FBXW7: variants seen among roughly 807,000 people sequenced by gnomAD.
FBXW7 encodes the protein F-box and WD repeat domain containing 7.
A neutral mutation model predicts 86.3 loss-of-function variants in FBXW7; 11 were observed. That is an observed-to-expected ratio of 0.13 (90% CI 0.08 to 0.21). FBXW7 has a LOEUF of 0.21. Ranked by LOEUF, FBXW7 falls within the 10% of genes least tolerant of loss-of-function variation. FBXW7 has a pLI of 1.00. For synonymous variants in FBXW7, 313 were observed against 297.9 expected, an observed-to-expected ratio of 1.05 and a Z score of -0.52; for missense variants, 488 against 847.4, an observed-to-expected ratio of 0.58 and a Z score of 5.27.
intron 2 of FBXW7, among the ~76,000 whole-genome samples, chr4:152,431,595 G>A (rs1026592202): frequency 2.6e-5 from 4 of 152,114 alleles, no homozygotes; most frequent in African/African-American, 9.7e-5. Context: ...GTCCACTGGG[G>A]CCTAGGGCAG....
intron 2 of FBXW7, among the ~76,000 whole-genome samples, chr4:152,465,061 T>TC (rs1743277177): frequency 6.6e-6 from 1 of 152,112 alleles, no homozygotes; most frequent in Non-Finnish European, 1.5e-5. Flanking sequence ...AACCAGTATC[T>TC]CCAAGGTGTA....
chr4:152,415,462 CAAG>C (rs1257252231), intron 2 of FBXW7, among the ~76,000 whole-genome samples: 7 of 152,106 alleles, frequency 4.6e-5, no homozygotes, highest in African/African-American at 1.4e-4. Context: ...TCACTTTCTG[CAAG>C]AAGTTTAGGA....
At chr4:152,406,037 C>T (rs766369505) in intron 4 of FBXW7, among the ~76,000 whole-genome samples, 1 of 152,312 alleles carries the variant, frequency 6.6e-6, no homozygotes, top group East Asian at 1.9e-4. Flanking sequence ...TCATCATGAT[C>T]TATTCCTATG....
At chr4:152,431,071 CTA>C (rs1465671556) in intron 2 of FBXW7, among the ~76,000 whole-genome samples, 1 of 152,180 alleles carries the variant, frequency 6.6e-6, no homozygotes, top group Non-Finnish European at 1.5e-5. Flanking sequence ...TTCTGAGAGT[CTA>C]TCTGTCAATA....
chr4:152,394,945 T>A (rs906352280), intron 4 of FBXW7, among the ~76,000 whole-genome samples: 3 of 152,104 alleles, frequency 2.0e-5, no homozygotes, highest in Non-Finnish European at 4.4e-5. Flanking sequence ...ATTAATGCAT[T>A]TGTTATAGCT....
At chr4:152,464,724 T>TA (rs1359736547) in intron 2 of FBXW7, among the ~76,000 whole-genome samples, 1 of 152,188 alleles carries the variant, frequency 6.6e-6, no homozygotes, top group African/African-American at 2.4e-5. Context: ...TGAAGACAGT[T>TA]AAAGAGATTT....
chr4:152,330,404 T>C (rs1036964512), intron 9 of FBXW7, among the ~76,000 whole-genome samples: 5 of 151,900 alleles, frequency 3.3e-5, no homozygotes, highest in Admixed American at 1.3e-4. Flanking sequence ...AAATCATGTT[T>C]GGAGTATGTG....
intron 2 of FBXW7, among the ~76,000 whole-genome samples, chr4:152,454,643 C>A (rs149525553): frequency 5.3e-5 from 8 of 152,040 alleles, no homozygotes; most frequent in Admixed American, 2.0e-4. Flanking sequence ...CACTAAATAG[C>A]CCTTTTTAAA....
rs189106137 is a variant in FBXW7 at position 152,432,429 on chromosome 4, T to C, written c.-119-19900A>G. Among the ~76,000 whole-genome samples, 84 of 152,322 alleles carry C rather than the reference T, an allele frequency of 5.5e-4. 3 individuals are homozygous for C. In the East Asian group the frequency reaches 0.011, roughly 20 times the overall value. Reference sequence around the variant, plus strand: ...TGCCTTCAATTAATATGTAATTTAATTGAGGTACTTTTTATATAAAGTAGA... The same window carrying C: ...TGCCTTCAATTAATATGTAATTTAACTGAGGTACTTTTTATATAAAGTAGA... On this transcript the variant is annotated intron_variant, in intron 2 of 13. Coordinates refer to ENST00000281708, the MANE Select transcript of FBXW7 (RefSeq NM_001349798.2).
intron 2 of FBXW7, among the ~76,000 whole-genome samples, chr4:152,527,245 A>T (rs904663329): frequency 6.6e-6 from 1 of 152,258 alleles, no homozygotes; most frequent in Non-Finnish European, 1.5e-5. Context: ...AAATTATTGA[A>T]TTATGAATTA....
rs1005634971 is a variant in FBXW7 at position 152,382,989 on chromosome 4, T to G, written c.501+28314A>C. ...TTCCCTTTTCCATACACACCATTCT[T>G]TATCTCATACTCACTAGACATTAAA... On this transcript the variant is annotated intron_variant, in intron 4 of 13. Coordinates refer to ENST00000281708, the MANE Select transcript of FBXW7 (RefSeq NM_001349798.2). Among the ~76,000 whole-genome samples the G allele has an allele frequency of 2.6e-5, 4 of 152,130 alleles. No homozygotes were observed. The East Asian group carries it at 7.7e-4, about 29-fold the overall frequency.
chr4:152,385,986 A>G (rs796310338), intron 4 of FBXW7, among the ~76,000 whole-genome samples: 14 of 152,168 alleles, frequency 9.2e-5, no homozygotes, highest in African/African-American at 3.4e-4. Context: ...AATCAACACG[A>G]AACACTAAAA....
chr4:152,409,902 C>A (rs569551730), intron 4 of FBXW7, among the ~76,000 whole-genome samples: 9 of 152,104 alleles, frequency 5.9e-5, no homozygotes, highest in South Asian at 2.1e-4. Context: ...TAGAAAAAAA[C>A]TAACAAATTC....
At chr4:152,473,239 CCAAAAACAAAAA>C (rs905491708) in intron 2 of FBXW7, among the ~76,000 whole-genome samples, 2 of 152,062 alleles carry the variant, frequency 1.3e-5, no homozygotes, top group Admixed American at 1.3e-4. Flanking sequence ...AAGACTGTCT[CCAAAAACAAAAA>C]CAAAAACAAA....
intron 4 of FBXW7, among the ~76,000 whole-genome samples, chr4:152,409,698 TAC>T (rs1474728770): frequency 6.7e-6 from 1 of 150,090 alleles, no homozygotes; most frequent in Non-Finnish European, 1.5e-5. Flanking sequence ...AAACTATACA[TAC>T]ACACTTATAT....
intron 6 of FBXW7, among the ~76,000 whole-genome samples, chr4:152,340,122 G>A (rs1482829579): frequency 6.6e-6 from 1 of 152,042 alleles, no homozygotes; most frequent in Non-Finnish European, 1.5e-5. Context: ...AATTATGCCT[G>A]TATAACAAAA....
At chr4:152,337,388 TAAGA>T (rs999142770) in intron 7 of FBXW7, among the ~76,000 whole-genome samples, 146 of 152,020 alleles carry the variant, frequency 9.6e-4, no homozygotes, top group African/African-American at 3.3e-3. Flanking sequence ...TGAAGGGACT[TAAGA>T]TATATAATAA....
Position 152,437,685 on chromosome 4 carries a change from G to A in FBXW7, c.-119-25156C>T, listed in dbSNP as rs75536956. 2.5e-3 allele frequency among the ~76,000 whole-genome samples: 375 copies of A among 152,260 alleles called. 5 individuals are homozygous for A. The East Asian group carries it at 0.058, about 24-fold the overall frequency. On this transcript the variant is annotated intron_variant, in intron 2 of 13. Transcript: ENST00000281708. ...CTATCAAACAGCATCACACGCTACA[G>A]AGAAATCGTTCATGACAGGAAGAGT...
intron 4 of FBXW7, among the ~76,000 whole-genome samples, chr4:152,387,463 T>A (rs1170429409): frequency 6.6e-6 from 1 of 152,110 alleles, no homozygotes; most frequent in East Asian, 1.9e-4. Flanking sequence ...AGTATTAAAG[T>A]ATTTCCCTAC....
Sources: allele counts gnomAD v4.1 joint callset (sites outside exome capture counted in the v4.1 genomes callset), GRCh38; gene constraint gnomAD v4.1.1; transcripts MANE v1.5; gene names NCBI Gene and HGNC (gene_info 2026-07-23, HGNC 2026-07-21).